Variants in SLC10A1 observed in about 807,000 individuals in gnomAD.
SLC10A1 encodes the protein hepatic sodium/bile acid cotransporter.
Under a neutral mutation model 20.5 loss-of-function variants are expected in SLC10A1, and 36 were observed. The ratio of observed to expected loss-of-function variants is 1.75; its 90% CI spans 1.34 to 2.32. SLC10A1 has a LOEUF of 2.32. SLC10A1 is among the 30% of genes most tolerant of loss of function. The pLI, the probability that SLC10A1 is intolerant of heterozygous loss-of-function variation, is 0.00. For synonymous variants in SLC10A1, 188 were observed against 163.6 expected, an observed-to-expected ratio of 1.15 and a Z score of -1.14; for missense variants, 545 against 439.1, an observed-to-expected ratio of 1.24 and a Z score of -2.16.
chr14:69,786,349 T>A, intron 1 of SLC10A1, 42 bp from the exon 2 acceptor site: 1 of 1,528,290 alleles, frequency 6.5e-7, no homozygotes, highest in East Asian at 2.3e-5. Flanking sequence ...AGAGAGCCCA[T>A]AAATACAGAC....
Position 69,775,890 on chromosome 14 carries a change from T to C in SLC10A1, c.*392A>G, listed in dbSNP as rs1391974952. On this transcript the variant is annotated 3_prime_UTR_variant, in exon 5 of 5. Coordinates refer to ENST00000216540, the MANE Select transcript of SLC10A1 (RefSeq NM_003049.4). The stretch of plus-strand genomic sequence containing the variant: ...GCACTTGTGAGCATTTATTTCTCTT[T>C]TGGGTCACAAAACTTGGAATGGGAT... 1 of 159,906 alleles carries C rather than the reference T, an allele frequency of 6.3e-6. No individual in the cohort carries two copies. The highest frequency in any genetic ancestry group is 2.4e-5 in the African/African-American group (1 of 41,682). 9.9% of individuals were successfully genotyped at this position (159,906 alleles called of 1,614,324 possible).
At chr14:69,792,889 G>A (rs1053484872) in intron 1 of SLC10A1, among the ~76,000 whole-genome samples, 5 of 150,344 alleles carry the variant, frequency 3.3e-5, no homozygotes, top group East Asian at 1.9e-4. Flanking sequence ...AATACTGTTC[G>A]TACAAAATTA....
intron 2 of SLC10A1, among the ~76,000 whole-genome samples, chr14:69,779,681 G>A (rs1006689568): frequency 1.3e-5 from 2 of 152,104 alleles, no homozygotes; most frequent in African/African-American, 4.8e-5. Context: ...TTTAGATTTC[G>A]TATCAGTAGC....
rs935323163 is a variant in SLC10A1 at position 69,776,191 on chromosome 14, G to A, written c.*91C>T. On this transcript the variant is annotated 3_prime_UTR_variant, in exon 5 of 5. Coordinates refer to ENST00000216540, the MANE Select transcript of SLC10A1 (RefSeq NM_003049.4). ...CTGGAAATGCTGGAGAAAGACTCAGGCAAGACTGGTGTTTTTGCTGCTCTC... is the reference window on the plus strand; with the variant it reads ...CTGGAAATGCTGGAGAAAGACTCAGACAAGACTGGTGTTTTTGCTGCTCTC... The A allele has an allele frequency of 1.2e-6, 1 of 858,894 alleles. No homozygotes were observed. The highest frequency in any genetic ancestry group is 1.9e-6 in the Non-Finnish European group (1 of 524,366). 53.2% of individuals were successfully genotyped at this position (858,894 alleles called of 1,614,324 possible).
At chr14:69,790,643 TGAAAG>T (rs575739016) in intron 1 of SLC10A1, among the ~76,000 whole-genome samples, 13 of 152,192 alleles carry the variant, frequency 8.5e-5, no homozygotes, top group South Asian at 4.1e-4. Context: ...TTCCTTAACT[TGAAAG>T]GAAATCTATT....
Position 69,776,367 on chromosome 14 carries a change from G to A in SLC10A1, c.965C>T (p.Thr322Ile). 6.2e-7 allele frequency: 1 copy of A among 1,613,948 alleles called. No homozygotes were observed. Among genetic ancestry groups the A allele is most frequent in the Non-Finnish European group, 8.5e-7 (1 of 1,179,948 alleles). ...TPKDKTKMIY[T>I]AATTEETIPG... The stretch of plus-strand genomic sequence containing the variant: ...AATTGTTTCTTCAGTTGTGGCAGCT[G>A]TGTAGATCATTTTTGTTTTATCTGT... The change falls in exon 5 of 5, where the codon ACA becomes ATA. Residue 322 changes from threonine to isoleucine, a missense_variant. Transcript: ENST00000216540.
chr14:69,787,290 C>G (rs1014653430), intron 1 of SLC10A1, among the ~76,000 whole-genome samples: 2 of 152,110 alleles, frequency 1.3e-5, no homozygotes, highest in Admixed American at 1.3e-4. Context: ...TATGTTAGTC[C>G]CAGGACCCTG....
At chr14:69,791,929 T>C (rs1883851176) in intron 1 of SLC10A1, among the ~76,000 whole-genome samples, 1 of 152,120 alleles carries the variant, frequency 6.6e-6, no homozygotes, top group African/African-American at 2.4e-5. Flanking sequence ...CAGGGTAATA[T>C]CTTTGTAACT....
intron 1 of SLC10A1, among the ~76,000 whole-genome samples, chr14:69,789,709 A>G (rs1006527232): frequency 6.6e-6 from 1 of 152,214 alleles, no homozygotes; most frequent in Non-Finnish European, 1.5e-5. Context: ...ATCTCAATAA[A>G]TAGTAATTAA....
chr14:69,787,982 C>T (rs775082111), intron 1 of SLC10A1, among the ~76,000 whole-genome samples: 3 of 151,946 alleles, frequency 2.0e-5, no homozygotes, highest in Non-Finnish European at 4.4e-5. Context: ...ATGGCTTGAG[C>T]CCAGAAGGTT....
chr14:69,786,125 C>T lies in SLC10A1; in HGVS notation c.539G>A (p.Arg180Gln), dbSNP rs571796903. 3.1e-5 allele frequency: 50 copies of T among 1,614,018 alleles called. No individual in the cohort carries two copies. Among genetic ancestry groups the T allele is most frequent in the South Asian group, 3.0e-4 (27 of 91,072 alleles). ...CTIGIVLKSK[R>Q]PQYMRYVIKG... Reference sequence around the variant, plus strand: ...GATGACATAGCGCATGTATTGTGGCCGTTTGGATTTGAGGACGATCCCTAT... The same window carrying T: ...GATGACATAGCGCATGTATTGTGGCTGTTTGGATTTGAGGACGATCCCTAT... The change falls in exon 2 of 5, where the codon CGG becomes CAG. Residue 180 changes from arginine (R) to glutamine (Q), a missense_variant. Transcript: ENST00000216540.
chr14:69,776,251 G>T lies in SLC10A1; in HGVS notation c.*31C>A. 1 of 1,544,150 alleles carries T rather than the reference G, an allele frequency of 6.5e-7. No homozygotes were observed. Among genetic ancestry groups the T allele is most frequent in the Non-Finnish European group, 8.9e-7 (1 of 1,121,340 alleles). ...CCACACTGGCTTTCAGAATTGCTTTGGGACCAGAATCCAGGCCACCAGGGG... is the reference window on the plus strand; with the variant it reads ...CCACACTGGCTTTCAGAATTGCTTTTGGACCAGAATCCAGGCCACCAGGGG... On this transcript the variant is annotated 3_prime_UTR_variant, in exon 5 of 5. Coordinates refer to ENST00000216540, the MANE Select transcript of SLC10A1 (RefSeq NM_003049.4).
chr14:69,785,248 T>C (rs936579095), intron 2 of SLC10A1, among the ~76,000 whole-genome samples: 4 of 152,220 alleles, frequency 2.6e-5, no homozygotes, highest in Non-Finnish European at 5.9e-5. Flanking sequence ...CACAAAGCAG[T>C]GGCATGATGC....
At position 69,778,464 on chromosome 14, in the gene SLC10A1, T is replaced by C. The variant is rs200093127; in HGVS notation, c.812A>G (p.Asn271Ser). 4.6e-5 allele frequency: 75 copies of C among 1,613,722 alleles called. No individual in the cohort carries two copies. The highest frequency in any genetic ancestry group is 5.9e-5 in the Non-Finnish European group (70 of 1,179,928). The change falls in exon 4 of 5, where the codon AAT (asparagine) becomes AGT (serine). Residue 271 changes from asparagine (N) to serine (S), a missense_variant. Transcript: ENST00000216540. ...QNVQLCSTIL[N>S]VAFPPEVIGP... ...AATGACTTCAGGTGGAAAGGCCACATTGAGGATGGTGGAACAGAGTTGGAC... is the reference window on the plus strand; with the variant it reads ...AATGACTTCAGGTGGAAAGGCCACACTGAGGATGGTGGAACAGAGTTGGAC...
rs754312839 is a variant in SLC10A1 at position 69,779,167 on chromosome 14, A to G, written c.746+15T>C. Reference sequence around the variant, plus strand: ...CAGAGTGAGACCCTTTCTTAAAAAAAAAAAAAATACCTACCGTCCATTGAG... The same window carrying G: ...CAGAGTGAGACCCTTTCTTAAAAAAGAAAAAAATACCTACCGTCCATTGAG... On this transcript the variant is annotated intron_variant, in intron 3 of 4. Transcript: ENST00000216540. The G allele has an allele frequency of 1.9e-6, 3 of 1,569,516 alleles. No individual in the cohort carries two copies. The South Asian group carries it at 3.6e-5, about 19-fold the overall frequency.
rs1049936089 is a variant in SLC10A1, at chr14:69,786,305, A to G, written c.359T>C (p.Ile120Thr). The change falls in exon 2 of 5, where the codon ATT (isoleucine) becomes ACT (threonine). Residue 120 changes from isoleucine to threonine, a missense_variant and splice_region_variant. Physicochemically the swap from Ile to Thr is moderately conservative, Grantham distance 89 (BLOSUM62 -1). Coordinates refer to ENST00000216540, the MANE Select transcript of SLC10A1 (RefSeq NM_003049.4). ...GAAGGTGGAGCAGGTGGTCATCACA[A>G]TGCTGGTGGGAGACATGGGAAGAGG... ...LAMKGDMNLS[I>T]VMTTCSTFCA... is the part of the protein sequence containing the mutation. 8 of 1,613,706 alleles carry G rather than the reference A, an allele frequency of 5.0e-6. No homozygotes were observed. The Admixed American group carries it at 8.3e-5, about 17-fold the overall frequency.
At chr14:69,782,867 T>C (rs569571038) in intron 2 of SLC10A1, among the ~76,000 whole-genome samples, 3 of 152,144 alleles carry the variant, frequency 2.0e-5, no homozygotes, top group South Asian at 2.1e-4. Flanking sequence ...AGAAACACTT[T>C]TAAAGCTACT....
In SLC10A1 at chr14:69,786,187, G is replaced by C. The variant is rs144006534; in HGVS notation, c.477C>G (p.Ile159Met). The change falls in exon 2 of 5, where the codon ATC becomes ATG. Residue 159 changes from isoleucine (I) to methionine (M), a missense_variant. Transcript: ENST00000216540. The stretch of plus-strand genomic sequence containing the variant: ...TGAGAACCAGGACCAGTGATATCAC[G>C]ATGCCTTTATAGGGCACCTTGTCCT... The part of the protein sequence containing the change: ...DLKDKVPYKG[I>M]VISLVLVLIP... 6.2e-7 allele frequency: 1 copy of C among 1,614,034 alleles called. No individual in the cohort carries two copies. Among genetic ancestry groups the C allele is most frequent in the Admixed American group, 1.7e-5 (1 of 60,006 alleles).
At chr14:69,781,082 G>T (rs925178747) in intron 2 of SLC10A1, among the ~76,000 whole-genome samples, 1 of 152,140 alleles carries the variant, frequency 6.6e-6, no homozygotes, top group South Asian at 2.1e-4. Context: ...TAGTCTCCAG[G>T]TGTGTAAGCT....
Sources: gnomAD v4.1 joint callset for allele counts (sites outside exome capture counted in the v4.1 genomes callset) on GRCh38, gnomAD v4.1.1 for gene constraint, MANE v1.5 for transcripts, NCBI Gene and HGNC (gene_info 2026-07-23, HGNC 2026-07-21) for gene names.